MFSD6: variants seen among roughly 807,000 people sequenced by gnomAD.
The protein encoded by MFSD6 is major facilitator superfamily domain containing 6, also known as major facilitator superfamily domain-containing protein 6.
In MFSD6, 26 loss-of-function variants were observed where a neutral mutation model predicts 56.3. The ratio of observed to expected loss-of-function variants is 0.46; its 90% confidence interval spans 0.34 to 0.64. MFSD6 has a LOEUF of 0.64. Ranked by LOEUF, MFSD6 falls within the 30% of genes least tolerant of loss-of-function variation. MFSD6 has a pLI of 0.01. For missense variants in MFSD6, 750 were observed against 986.2 expected, an observed-to-expected ratio of 0.76 and a Z score of 3.21; for synonymous variants, 331 against 366.9, an observed-to-expected ratio of 0.90 and a Z score of 1.12.
Position 190,451,498 on chromosome 2 carries a change from C to G in MFSD6, c.1532+13937C>G, listed in dbSNP as rs1001639696. On this transcript the variant is annotated intron_variant, in intron 3 of 7. Transcript: ENST00000392328. The surrounding 1 kb of genome is among the most constrained non-coding windows in gnomAD (Gnocchi z 5.0). ...AAGATAAAGGTCAGTCCTCGTGGGA[C>G]TCACATTCTACTGGGGCAGACAGTG... Among the ~76,000 whole-genome samples the G allele has an allele frequency of 6.6e-6, 1 of 152,246 alleles. No individual in the cohort carries two copies. Among genetic ancestry groups the G allele is most frequent in the African/African-American group, 2.4e-5 (1 of 41,466 alleles).
chr2:190,429,330 CT>C (rs1329174552), intron 2 of MFSD6, among the ~76,000 whole-genome samples: 315 of 141,858 alleles, frequency 2.2e-3, no homozygotes, highest in Non-Finnish European at 2.5e-3. Flanking sequence ...AACAGAAATT[CT>C]TTTTTTTTTT....
intron 3 of MFSD6, chr2:190,464,965 G>C: frequency 5.3e-6 from 5 of 942,460 alleles, no homozygotes; most frequent in Non-Finnish European, 6.3e-6. Flanking sequence ...TAGAAAAGTA[G>C]GGTCTCACAA....
rs535668824 is a variant in MFSD6 at position 190,433,225 on chromosome 2, T to G, written c.-53-2752T>G. Reference sequence around the variant, plus strand: ...TCTTTACCCAGAAGTATCACATAATTTTATACATTTGAAACACAAGAAATG... The same window carrying G: ...TCTTTACCCAGAAGTATCACATAATGTTATACATTTGAAACACAAGAAATG... On this transcript the variant is annotated intron_variant, in intron 2 of 7. Coordinates refer to ENST00000392328, the MANE Select transcript of MFSD6 (RefSeq NM_017694.4). This position sits in a 1 kb window ranked among gnomAD's most constrained non-coding sequence, Gnocchi z 4.5. The G allele has an allele frequency of 6.6e-6, 1 of 152,274 alleles. No individual in the cohort carries two copies. Among genetic ancestry groups the G allele is most frequent in the South Asian group, 2.1e-4 (1 of 4,826 alleles). 9.4% of individuals were successfully genotyped at this position (152,274 alleles called of 1,614,324 possible).
At chr2:190,479,528 T>C (rs1688541076) in intron 4 of MFSD6, among the ~76,000 whole-genome samples, 1 of 152,180 alleles carries the variant, frequency 6.6e-6, no homozygotes, top group Non-Finnish European at 1.5e-5. Context: ...CAATTAAACA[T>C]TCATGATTTT....
At position 190,500,283 on chromosome 2, in the gene MFSD6, C is replaced by A; in HGVS notation, c.*65C>A. 1 of 1,559,326 alleles carries A rather than the reference C, an allele frequency of 6.4e-7. No individual in the cohort carries two copies. Among genetic ancestry groups the A allele is most frequent in the Non-Finnish European group, 8.8e-7 (1 of 1,137,730 alleles). The stretch of plus-strand genomic sequence containing the variant: ...TCCTCAGCCAGGACACAGGGTGAGG[C>A]CCCCCAGCCAGGATATGCCTCCCCT... On this transcript the variant is annotated 3_prime_UTR_variant, in exon 8 of 8. Coordinates refer to ENST00000392328, the MANE Select transcript of MFSD6 (RefSeq NM_017694.4). This position sits in a 1 kb window ranked among gnomAD's most constrained non-coding sequence, Gnocchi z 5.3.
At chr2:190,430,880 C>G (rs574501370) in intron 2 of MFSD6, among the ~76,000 whole-genome samples, 3 of 150,418 alleles carry the variant, frequency 2.0e-5, no homozygotes, top group Non-Finnish European at 4.4e-5. Flanking sequence ...GGGCGGCTGC[C>G]GGGCGGAGAC....
chr2:190,443,449 CT>C lies in MFSD6; in HGVS notation c.1532+5895del, dbSNP rs943216931. On this transcript the variant is annotated intron_variant, in intron 3 of 7. Coordinates refer to ENST00000392328, the MANE Select transcript of MFSD6 (RefSeq NM_017694.4). This position sits in a 1 kb window ranked among gnomAD's most constrained non-coding sequence, Gnocchi z 4.2. ...TAGATTAGGAGTTCAGCTTATTTTA[CT>C]TTTTTTCTGTCAGTCTGATATATTA... is the stretch of plus-strand genomic sequence containing the variant. Among the ~76,000 whole-genome samples the C allele has an allele frequency of 2.0e-5, 3 of 152,124 alleles. No individual in the cohort carries two copies. Among genetic ancestry groups the C allele is most frequent in the Non-Finnish European group, 4.4e-5 (3 of 68,020 alleles).
Position 190,454,162 on chromosome 2 carries a change from A to G in MFSD6, c.1533-15596A>G, listed in dbSNP as rs935117925. On this transcript the variant is annotated intron_variant, in intron 3 of 7. Coordinates refer to ENST00000392328, the MANE Select transcript of MFSD6 (RefSeq NM_017694.4). This position sits in a 1 kb window ranked among gnomAD's most constrained non-coding sequence, Gnocchi z 4.6. Reference sequence around the variant, plus strand: ...GTTGTTTTATTACATCCATTTTACAATGGCTTAATGAGAGCCTGATACCCT... The same window carrying G: ...GTTGTTTTATTACATCCATTTTACAGTGGCTTAATGAGAGCCTGATACCCT... The G allele has an allele frequency of 1.3e-5, 2 of 152,214 alleles. No individual in the cohort carries two copies. The highest frequency in any genetic ancestry group is 2.9e-5 in the Non-Finnish European group (2 of 68,042). 9.4% of individuals were successfully genotyped at this position (152,214 alleles called of 1,614,324 possible). A position where few individuals can be genotyped will look rare whatever the true frequency, so the allele number is the denominator to read the frequency against.
chr2:190,486,828 C>T (rs942425924), intron 4 of MFSD6, among the ~76,000 whole-genome samples: 5 of 152,164 alleles, frequency 3.3e-5, no homozygotes, highest in East Asian at 1.9e-4. Flanking sequence ...TTCTTAATCT[C>T]GTCTAGCTAT....
At position 190,500,117 on chromosome 2, in the gene MFSD6, G is replaced by A. The variant is rs953729617; in HGVS notation, c.2275G>A (p.Ala759Thr). The stretch of plus-strand genomic sequence containing the variant: ...TAGAAACCAGCCATCCCCTGACGCA[G>A]CAGCATCTCAGACGCAGACCAGCCC... ...PSRNQPSPDA[A>T]ASQTQTSPAH... Residue 759 changes from alanine to threonine, a missense_variant, in exon 8 of 8, where the codon GCA becomes ACA. Physicochemically the swap from Ala to Thr is moderately conservative, Grantham distance 58. Around this residue, in one of 5 missense-constraint regions of MFSD6, gnomAD observed 172 missense variants for 203.9 expected, o/e 0.84. Coordinates refer to ENST00000392328, the MANE Select transcript of MFSD6 (RefSeq NM_017694.4). The surrounding 1 kb of genome is among the most constrained non-coding windows in gnomAD (Gnocchi z 5.3). 6.2e-7 allele frequency: 1 copy of A among 1,614,156 alleles called. No individual in the cohort carries two copies. Among genetic ancestry groups the A allele is most frequent in the Non-Finnish European group, 8.5e-7 (1 of 1,180,020 alleles).
At chr2:190,453,315 G>C (rs940653474) in intron 3 of MFSD6, among the ~76,000 whole-genome samples, 2 of 152,076 alleles carry the variant, frequency 1.3e-5, no homozygotes, top group Non-Finnish European at 2.9e-5. Flanking sequence ...GAGGATCCTG[G>C]AGTTTGGAAC....
intron 4 of MFSD6, among the ~76,000 whole-genome samples, chr2:190,483,523 G>A (rs1239593673): frequency 4.6e-5 from 7 of 152,146 alleles, no homozygotes; most frequent in Non-Finnish European, 2.9e-5. Flanking sequence ...TCCTTGTAGA[G>A]TAAGCTGATG....
At chr2:190,481,518 G>A (rs1448755098) in intron 4 of MFSD6, among the ~76,000 whole-genome samples, 3 of 152,190 alleles carry the variant, frequency 2.0e-5, no homozygotes, top group African/African-American at 7.2e-5. Flanking sequence ...TTACATGTCA[G>A]CCCTCTGCTG....
intron 3 of MFSD6, among the ~76,000 whole-genome samples, chr2:190,449,445 G>A (rs957028929): frequency 2.2e-4 from 34 of 152,108 alleles, no homozygotes; most frequent in African/African-American, 6.7e-4. Context: ...CTGCACACCC[G>A]CCTAGGTGAC....
At chr2:190,427,256 T>A (rs1685810974) in intron 2 of MFSD6, among the ~76,000 whole-genome samples, 1 of 152,242 alleles carries the variant, frequency 6.6e-6, no homozygotes, top group African/African-American at 2.4e-5. Context: ...TCCTTGCTCC[T>A]TTATCTTCTC....
rs1687661310 is a variant in MFSD6, at chr2:190,467,446, C to T, written c.1533-2312C>T. ...TGGCCAACATGGCAAAACCTCGTCT[C>T]TACTAAAAATACAAAAATTAGCCAG... On this transcript the variant is annotated intron_variant, in intron 3 of 7. Transcript: ENST00000392328. This position sits in a 1 kb window ranked among gnomAD's most constrained non-coding sequence, Gnocchi z 5.5. Among the ~76,000 whole-genome samples, 1 of 152,296 alleles carries T rather than the reference C, an allele frequency of 6.6e-6. No homozygotes were observed. The highest frequency in any genetic ancestry group is 1.9e-4 in the East Asian group (1 of 5,186).
chr2:190,441,077 A>G (rs1019453041), intron 3 of MFSD6, among the ~76,000 whole-genome samples: 4 of 152,190 alleles, frequency 2.6e-5, no homozygotes, highest in Admixed American at 6.5e-5. Flanking sequence ...TGAAGGGTTT[A>G]AGGAAGATCA....
In MFSD6 at chr2:190,491,739, C is replaced by T. The variant is rs537612431; in HGVS notation, c.1891+1873C>T. 6.6e-6 allele frequency among the ~76,000 whole-genome samples: 1 copy of T among 152,252 alleles called. No homozygotes were observed. The highest frequency in any genetic ancestry group is 2.4e-5 in the African/African-American group (1 of 41,548). ...CAGAACAACAATTCTAGTAATATGA[C>T]AAAACAAGGTTCTTTAACCTGCCCC... On this transcript the variant is annotated intron_variant, in intron 6 of 7. Coordinates refer to ENST00000392328, the MANE Select transcript of MFSD6 (RefSeq NM_017694.4). This position sits in a 1 kb window ranked among gnomAD's most constrained non-coding sequence, Gnocchi z 4.2.
At position 190,458,819 on chromosome 2, in the gene MFSD6, G is replaced by A. The variant is rs768158184; in HGVS notation, c.1533-10939G>A. Among the ~76,000 whole-genome samples, 12 of 152,180 alleles carry A rather than the reference G, an allele frequency of 7.9e-5. No homozygotes were observed. Among genetic ancestry groups the A allele is most frequent in the Non-Finnish European group, 1.5e-4 (10 of 68,036 alleles). ...TAGCTTTAACCAGGTCTCAGATGAC[G>A]CGATCAGAACCTGCATCTCTCCCTC... On this transcript the variant is annotated intron_variant, in intron 3 of 7. Transcript: ENST00000392328. The surrounding 1 kb of genome is among the most constrained non-coding windows in gnomAD (Gnocchi z 5.3).
Sources: allele counts gnomAD v4.1 joint callset (sites outside exome capture counted in the v4.1 genomes callset), GRCh38; gene constraint gnomAD v4.1.1; regional missense constraint gnomAD v4.1.1; non-coding constraint Gnocchi (gnomAD v3.1); transcripts MANE v1.5; gene names NCBI Gene and HGNC (gene_info 2026-07-23, HGNC 2026-07-21).